The following PLCB1 variants were observed in gnomAD, a reference collection of about 807,000 sequenced individuals.
PLCB1 encodes 1-phosphatidylinositol 4,5-bisphosphate phosphodiesterase beta-1.
PLCB1 carries 46 observed loss-of-function variants against 161.8 expected under a neutral mutation model. The observed-to-expected ratio is 0.28, with a 90% confidence interval of 0.22 to 0.36. PLCB1 has a LOEUF of 0.36. Among genes scored for constraint, PLCB1 ranks in the 10% least tolerant of loss-of-function variants. PLCB1 has a pLI of 1.00. For missense variants in PLCB1, 1,016 were observed against 1,472.5 expected (o/e 0.69, Z 5.07); for synonymous variants, 517 against 503.7 (o/e 1.03, Z -0.35).
chr20:8,720,736 C>A (rs1201517684), intron 14 of PLCB1, among the ~76,000 whole-genome samples: 2 of 151,980 alleles, frequency 1.3e-5, no homozygotes, highest in Admixed American at 6.6e-5. Context: ...TAAAGAATGA[C>A]CTGATTGGCT....
chr20:8,804,463 T>C (rs1452277366), intron 31 of PLCB1, among the ~76,000 whole-genome samples: 1 of 152,140 alleles, frequency 6.6e-6, no homozygotes, highest in Non-Finnish European at 1.5e-5. Context: ...TAAAAATAAA[T>C]ATTTCACACT....
At chr20:8,802,069 C>T in intron 31 of PLCB1, 1 of 1,605,454 alleles carries the variant, frequency 6.2e-7, no homozygotes, top group Non-Finnish European at 8.5e-7. Context: ...GAAGGTTCCT[C>T]CTCATTCTTG....
chr20:8,870,957 AG>A (rs1019659466), intron 31 of PLCB1, among the ~76,000 whole-genome samples: 1 of 152,238 alleles, frequency 6.6e-6, no homozygotes, highest in African/African-American at 2.4e-5. Flanking sequence ...TTAGACCAGC[AG>A]CAACAGCATC....
chr20:8,315,766 G>A (rs529505753), intron 2 of PLCB1, among the ~76,000 whole-genome samples: 16 of 152,156 alleles, frequency 1.1e-4, no homozygotes, highest in South Asian at 8.3e-4. Context: ...CAAAATGAGC[G>A]TAGGCAAGGG....
Position 8,762,354 on chromosome 20 carries a change from T to C in PLCB1, c.2710+1894T>C, listed in dbSNP as rs574999459. Among the ~76,000 whole-genome samples the C allele has an allele frequency of 2.0e-5, 3 of 152,362 alleles. No individual in the cohort carries two copies. The East Asian group carries it at 5.8e-4, about 29-fold the overall frequency. On this transcript the variant is annotated intron_variant, in intron 25 of 31. Coordinates refer to ENST00000338037, the MANE Select transcript of PLCB1 (RefSeq NM_015192.4). ...GTCTGTACCAATACATTAGCTGTGA[T>C]TATATCTTGGTGGCTTATTTATAAA...
At chr20:8,704,191 T>G in intron 11 of PLCB1, among the ~76,000 whole-genome samples, 1 of 151,984 alleles carries the variant, frequency 6.6e-6, no homozygotes, top group South Asian at 2.1e-4. Context: ...CCATCTCTAC[T>G]AAAAATACAA....
At chr20:8,809,302 C>T (rs6056134) in intron 31 of PLCB1, among the ~76,000 whole-genome samples, 4,006 of 152,220 alleles carry the variant, frequency 0.026, 169 homozygotes, top group African/African-American at 0.092. Flanking sequence ...GCCACCATGC[C>T]CGGCTCACTT....
chr20:8,662,251 A>C (rs1230784495), intron 9 of PLCB1, among the ~76,000 whole-genome samples: 1 of 122,472 alleles, frequency 8.2e-6, no homozygotes, highest in Admixed American at 9.2e-5. Context: ...TATTTATTAT[A>C]TAATTCTATA....
chr20:8,647,576 G>A (rs1003630878), intron 5 of PLCB1, among the ~76,000 whole-genome samples: 46 of 152,216 alleles, frequency 3.0e-4, no homozygotes, highest in African/African-American at 1.1e-3. Flanking sequence ...TTAGTTCTCA[G>A]AAACATGCTA....
chr20:8,628,161 A>G, intron 3 of PLCB1, 133 bp from the exon 4 acceptor site: 1 of 711,792 alleles, frequency 1.4e-6, no homozygotes, highest in African/African-American at 1.8e-5. Context: ...GGAGCCTTAA[A>G]CTCCTACAAT....
chr20:8,759,262 G>A (rs1568587729), intron 24 of PLCB1, among the ~76,000 whole-genome samples: 1 of 152,128 alleles, frequency 6.6e-6, no homozygotes, highest in Non-Finnish European at 1.5e-5. Context: ...ATCACATCAC[G>A]GATATATGAT....
At chr20:8,258,541 C>T (rs1427531161) in intron 2 of PLCB1, among the ~76,000 whole-genome samples, 1 of 152,078 alleles carries the variant, frequency 6.6e-6, no homozygotes, top group Non-Finnish European at 1.5e-5. Context: ...TTCAGTTTTT[C>T]CCTGCAAAGT....
chr20:8,371,180 A>G (rs539594623), intron 2 of PLCB1: 46 of 534,554 alleles, frequency 8.6e-5, no homozygotes, highest in African/African-American at 8.0e-4. Context: ...TTCAAAATGT[A>G]TAACTGAGCA....
chr20:8,537,013 G>C (rs372777640), intron 3 of PLCB1, among the ~76,000 whole-genome samples: 2 of 152,288 alleles, frequency 1.3e-5, no homozygotes, highest in East Asian at 3.9e-4. Context: ...TACCTACAGA[G>C]ATATTGTTAG....
At chr20:8,831,669 A>C (rs564666361) in intron 31 of PLCB1, among the ~76,000 whole-genome samples, 2 of 152,084 alleles carry the variant, frequency 1.3e-5, no homozygotes, top group Non-Finnish European at 2.9e-5. Context: ...TCACTCTGTC[A>C]CCCAGCCTGG....
At chr20:8,771,115 T>A (rs1044994155) in intron 26 of PLCB1, among the ~76,000 whole-genome samples, 1 of 152,166 alleles carries the variant, frequency 6.6e-6, no homozygotes, top group Non-Finnish European at 1.5e-5. Context: ...CAGTGGCTCT[T>A]GAGTCCTTGA....
At chr20:8,259,322 C>G (rs6086380) in intron 2 of PLCB1, among the ~76,000 whole-genome samples, 44,932 of 151,980 alleles carry the variant, frequency 0.3, 7,115 homozygotes, top group East Asian at 0.44. Context: ...AGGTGTTACT[C>G]TAAGTCTCTG....
At chr20:8,281,331 C>A (rs1337422958) in intron 2 of PLCB1, among the ~76,000 whole-genome samples, 1 of 132,136 alleles carries the variant, frequency 7.6e-6, no homozygotes, top group Non-Finnish European at 1.6e-5. Flanking sequence ...ACCCAGAGCT[C>A]TTTTTAATAC....
At chr20:8,727,825 A>G (rs1355840398) in intron 17 of PLCB1, among the ~76,000 whole-genome samples, 2 of 152,112 alleles carry the variant, frequency 1.3e-5, no homozygotes, top group Non-Finnish European at 2.9e-5. Context: ...ACTTATATGT[A>G]CTATATGTCC....
Sources: gnomAD v4.1 joint callset for allele counts (sites outside exome capture counted in the v4.1 genomes callset) on GRCh38, gnomAD v4.1.1 for gene constraint, MANE v1.5 for transcripts, NCBI Gene and HGNC (gene_info 2026-07-23, HGNC 2026-07-21) for gene names.